The following PTPRD variants were observed in gnomAD, a reference collection of about 807,000 sequenced individuals.
PTPRD encodes protein tyrosine phosphatase receptor type D, also known as receptor-type tyrosine-protein phosphatase delta.
A neutral mutation model predicts 214.5 loss-of-function variants in PTPRD; 34 were observed. The ratio of observed to expected loss-of-function variants is 0.16; its 90% CI spans 0.12 to 0.21. The LOEUF (loss-of-function observed/expected upper bound fraction) is 0.21, where lower values mean the gene tolerates loss of function less well. PTPRD is among the 10% of genes least tolerant of loss of function. The pLI, the probability that PTPRD is intolerant of heterozygous loss-of-function variation, is 1.00. For synonymous variants in PTPRD, 1,128 were observed against 845.7 expected, an observed-to-expected ratio of 1.33 and a Z score of -5.79; for missense variants, 2,545 against 2,398.7, an observed-to-expected ratio of 1.06 and a Z score of -1.27.
At chr9:9,697,976 G>A (rs191400600) in intron 7 of PTPRD, among the ~76,000 whole-genome samples, 79 of 152,198 alleles carry the variant, frequency 5.2e-4, no homozygotes, top group Non-Finnish European at 9.6e-4. Context: ...ATATTTCTCA[G>A]CTCCAGGAAT....
rs1820863777 is a variant in PTPRD, at chr9:8,314,458, AT to A, written c.*3415del. On this transcript the variant is annotated 3_prime_UTR_variant, in exon 46 of 46. Transcript: ENST00000381196. The stretch of plus-strand genomic sequence containing the variant: ...GCCATTTTACAAGTTATTTGTTTTA[AT>A]TTTTCAGTCTATGCATCCAAAACGA... The A allele has an allele frequency of 4.3e-6, 1 of 231,038 alleles. No homozygotes were observed. Among genetic ancestry groups the A allele is most frequent in the African/African-American group, 2.2e-5 (1 of 45,150 alleles). The allele number at this position is 231,038 out of a possible 1,614,324, so 14.3% of individuals were successfully genotyped here.
At chr9:10,166,890 G>T (rs530286788) in intron 3 of PTPRD, among the ~76,000 whole-genome samples, 1 of 151,934 alleles carries the variant, frequency 6.6e-6, no homozygotes, top group Non-Finnish European at 1.5e-5. Flanking sequence ...TATCTTGTAG[G>T]TATACAATAA....
At chr9:8,469,760 A>C (rs2096616267) in intron 31 of PTPRD, among the ~76,000 whole-genome samples, 1 of 152,074 alleles carries the variant, frequency 6.6e-6, no homozygotes, top group Admixed American at 6.6e-5. Context: ...TCATCTAATC[A>C]CTAGTGACAC....
intron 3 of PTPRD, among the ~76,000 whole-genome samples, chr9:10,195,587 G>T (rs898062733): frequency 6.6e-6 from 1 of 152,118 alleles, no homozygotes; most frequent in African/African-American, 2.4e-5. Flanking sequence ...TCACGCCTGT[G>T]ATCCCAGGTC....
intron 11 of PTPRD, among the ~76,000 whole-genome samples, chr9:8,946,737 G>T (rs909938663): frequency 6.6e-6 from 1 of 152,088 alleles, no homozygotes; most frequent in African/African-American, 2.4e-5. Context: ...TCTCTTTCAG[G>T]AGCCTGGAGA....
intron 7 of PTPRD, among the ~76,000 whole-genome samples, chr9:9,650,310 A>G (rs1330896908): frequency 6.6e-6 from 1 of 152,178 alleles, no homozygotes; most frequent in Non-Finnish European, 1.5e-5. Context: ...TTTATAAATT[A>G]CCCAGTCTCA....
At chr9:8,795,747 T>G (rs73427076) in intron 11 of PTPRD, among the ~76,000 whole-genome samples, 1 of 152,180 alleles carries the variant, frequency 6.6e-6, no homozygotes, top group Non-Finnish European at 1.5e-5. Context: ...ATTTATGAAG[T>G]GGAAACGCGT....
intron 11 of PTPRD, among the ~76,000 whole-genome samples, chr9:8,964,906 G>C (rs1223146213): frequency 6.6e-6 from 1 of 152,116 alleles, no homozygotes; most frequent in Non-Finnish European, 1.5e-5. Flanking sequence ...TGTTGTCCAA[G>C]AGTATGGATG....
intron 2 of PTPRD, among the ~76,000 whole-genome samples, chr9:10,398,828 T>C (rs2098221504): frequency 6.6e-6 from 1 of 152,116 alleles, no homozygotes; most frequent in East Asian, 1.9e-4. Context: ...GAGGTTATTT[T>C]CATCCTCATT....
intron 7 of PTPRD, among the ~76,000 whole-genome samples, chr9:9,651,584 T>C (rs2096351935): frequency 6.6e-6 from 1 of 152,178 alleles, no homozygotes; most frequent in East Asian, 1.9e-4. Context: ...TGTTCTTTAT[T>C]ATGGCTGCAT....
intron 5 of PTPRD, among the ~76,000 whole-genome samples, chr9:9,787,420 T>TA (rs34947415): frequency 0.22 from 29,368 of 131,246 alleles, 4,696 homozygotes; most frequent in African/African-American, 0.46. Context: ...GTCAACTATG[T>TA]AAAAAAAAAA....
intron 2 of PTPRD, among the ~76,000 whole-genome samples, chr9:10,428,587 T>C (rs952564886): frequency 6.6e-6 from 1 of 152,034 alleles, no homozygotes; most frequent in African/African-American, 2.4e-5. Flanking sequence ...CTTCTTAAGA[T>C]CCCACTGTTC....
chr9:9,935,249 A>C (rs2088735791), intron 5 of PTPRD, among the ~76,000 whole-genome samples: 1 of 152,074 alleles, frequency 6.6e-6, no homozygotes, highest in Admixed American at 6.5e-5. Context: ...AGAAGGAAAT[A>C]AAGGGTATTC....
Position 10,458,736 on chromosome 9 carries a change from A to G in PTPRD, c.-599-117719T>C, listed in dbSNP as rs576230856. On this transcript the variant is annotated intron_variant, in intron 2 of 45. Transcript: ENST00000381196. ...TAAATGCTATCCAAGTAAAAAAGGA[A>G]GAAGAAAAATTATCTGTATTTGCAA... Among the ~76,000 whole-genome samples the G allele has an allele frequency of 1.8e-3, 273 of 152,322 alleles. 1 individual carries two copies. The highest frequency in any genetic ancestry group is 5.9e-3 in the African/African-American group (247 of 41,578).
At chr9:8,516,798 C>CTTTT (rs71500960) in intron 21 of PTPRD, among the ~76,000 whole-genome samples, 22 of 107,938 alleles carry the variant, frequency 2.0e-4, no homozygotes, top group Non-Finnish European at 2.7e-4. Flanking sequence ...CAAGAATAAA[C>CTTTT]TTTTTTTTTT....
intron 8 of PTPRD, among the ~76,000 whole-genome samples, chr9:9,513,110 T>C (rs1337217983): frequency 6.6e-6 from 1 of 151,878 alleles, no homozygotes; most frequent in Non-Finnish European, 1.5e-5. Flanking sequence ...CCCACTAAAA[T>C]AACAAGATAG....
chr9:9,413,068 G>A (rs1233766584), intron 8 of PTPRD, among the ~76,000 whole-genome samples: 5 of 144,682 alleles, frequency 3.5e-5, no homozygotes, highest in Admixed American at 2.1e-4. Flanking sequence ...CAGTCATTTT[G>A]GGCAAACAAG....
intron 6 of PTPRD, among the ~76,000 whole-genome samples, chr9:9,741,963 A>G (rs2098407890): frequency 6.6e-6 from 1 of 152,186 alleles, no homozygotes; most frequent in Non-Finnish European, 1.5e-5. Flanking sequence ...TCCTTTGGGT[A>G]TATACCTAGT....
chr9:8,551,552 G>C (rs1332455682), intron 14 of PTPRD, among the ~76,000 whole-genome samples: 1 of 152,116 alleles, frequency 6.6e-6, no homozygotes, highest in Non-Finnish European at 1.5e-5. Flanking sequence ...AAGGATGCAA[G>C]AGTGATACAA....
Sources: allele counts gnomAD v4.1 joint callset (sites outside exome capture counted in the v4.1 genomes callset), GRCh38; gene constraint gnomAD v4.1.1; transcripts MANE v1.5; gene names NCBI Gene and HGNC (gene_info 2026-07-23, HGNC 2026-07-21).